Variants in SNRPG observed in about 807,000 individuals in gnomAD.
The protein encoded by SNRPG is small nuclear ribonucleoprotein polypeptide G.
In SNRPG, 3 loss-of-function variants were observed where a neutral mutation model predicts 13.9. The observed-to-expected ratio is 0.22, with a 90% CI of 0.10 to 0.56. The LOEUF (loss-of-function observed/expected upper bound fraction) is 0.56, where lower values mean the gene tolerates loss of function less well. Ranked by LOEUF, SNRPG falls within the 20% of genes least tolerant of loss-of-function variation. The probability of loss-of-function intolerance (pLI) is 0.93; values close to 1 mark genes in which losing one functional copy is unlikely to be tolerated. For synonymous variants in SNRPG, 29 were observed against 29.3 expected (o/e 0.99, Z 0.03); for missense variants, 34 against 96.1 (o/e 0.35, Z 2.70).
intron 3 of SNRPG, chr2:70,287,336 G>T: frequency 1.4e-6 from 1 of 702,788 alleles, no homozygotes; most frequent in Non-Finnish European, 2.6e-6. Flanking sequence ...CCTTTTTCAA[G>T]AACTTTGGGC....
intron 1 of SNRPG, chr2:70,293,173 A>C (rs1238759258): frequency 8.5e-6 from 6 of 702,298 alleles, no homozygotes; most frequent in Non-Finnish European, 1.6e-5. Context: ...GCTAAGACTA[A>C]AGTGGCTTTC....
chr2:70,292,933 C>T (rs568893703), intron 1 of SNRPG: 75 of 569,430 alleles, frequency 1.3e-4, no homozygotes, highest in African/African-American at 1.2e-3. Flanking sequence ...AAGTAAGGCT[C>T]TCCTACTTAA....
chr2:70,287,402 G>C lies in SNRPG; in HGVS notation c.180+666C>G, dbSNP rs752836436. ...TTAGACAAAGAGGGACTCAAAGTCTGGGTATCAAAACTCTTCTTCAGCAAT... is the reference window on the plus strand; with the variant it reads ...TTAGACAAAGAGGGACTCAAAGTCTCGGTATCAAAACTCTTCTTCAGCAAT... On this transcript the variant is annotated intron_variant, in intron 3 of 3. Coordinates refer to ENST00000272348, the MANE Select transcript of SNRPG (RefSeq NM_003096.4). The C allele has an allele frequency of 5.8e-6, 4 of 694,562 alleles. No homozygotes were observed. In the South Asian group the frequency reaches 6.1e-5, roughly 11 times the overall value. The allele number at this position is 694,562 out of a possible 1,614,324, so 43.0% of individuals were successfully genotyped here.
intron 3 of SNRPG, among the ~76,000 whole-genome samples, chr2:70,286,238 T>C (rs779869163): frequency 6.6e-6 from 1 of 152,154 alleles, no homozygotes; most frequent in Non-Finnish European, 1.5e-5. Context: ...AACACACACA[T>C]AACTGCAATA....
chr2:70,292,181 C>T (rs1024556412), intron 1 of SNRPG, among the ~76,000 whole-genome samples: 4 of 151,996 alleles, frequency 2.6e-5, no homozygotes, highest in Non-Finnish European at 4.4e-5. Context: ...CTCCTGACCT[C>T]GTGATCCGCC....
intron 3 of SNRPG, among the ~76,000 whole-genome samples, chr2:70,283,108 A>C (rs1411983524): frequency 1.8e-4 from 27 of 146,982 alleles, no homozygotes; most frequent in African/African-American, 6.4e-4. Context: ...AAAAAAAAAA[A>C]AAAAAAAAAA....
chr2:70,290,967 C>T (rs1311424901), intron 1 of SNRPG, among the ~76,000 whole-genome samples: 1 of 148,886 alleles, frequency 6.7e-6, no homozygotes, highest in Non-Finnish European at 1.5e-5. Context: ...GCCAAGATCG[C>T]GCCACTGCAC....
Position 70,293,629 on chromosome 2 carries a change from G to A in SNRPG, c.21C>T (p.Pro7=), listed in dbSNP as rs1034712471. 3 of 1,613,970 alleles carry A rather than the reference G, an allele frequency of 1.9e-6. No homozygotes were observed. The highest frequency in any genetic ancestry group is 2.5e-6 in the Non-Finnish European group (3 of 1,179,822). ...TCACACATACTTACTTTTTCAACTC[G>A]GGAGGGTGAGCTTTGCTCATGGTGT... MSKAHP[P]ELKKFMDKKL... The change falls in exon 1 of 4, where the codon CCC becomes CCT. Residue 7 remains proline, a synonymous_variant. Transcript: ENST00000272348.
At chr2:70,289,289 A>ATGG in intron 2 of SNRPG, 61 bp downstream of exon 2, 1 of 997,854 alleles carries the variant, frequency 1.0e-6, no homozygotes, top group Non-Finnish European at 1.5e-6. Flanking sequence ...AAACATTGCT[A>ATGG]AGACACATGT....
At chr2:70,282,300 T>C (rs1473791917) in intron 3 of SNRPG, among the ~76,000 whole-genome samples, 1 of 152,182 alleles carries the variant, frequency 6.6e-6, no homozygotes. Context: ...GAGTAAAATA[T>C]GTACAGTAGA....
At chr2:70,289,426 A>G (rs1170189623) in intron 1 of SNRPG, 54 bp from the exon 2 acceptor site, 1 of 949,936 alleles carries the variant, frequency 1.1e-6, no homozygotes, top group Non-Finnish European at 1.6e-6. Context: ...ATTTAAGCAT[A>G]AACAAGTAAA....
At chr2:70,292,937 T>C in intron 1 of SNRPG, 1 of 571,826 alleles carries the variant, frequency 1.7e-6, no homozygotes, top group Non-Finnish European at 3.1e-6. Flanking sequence ...AAGGCTCTCC[T>C]ACTTAAAGTT....
At chr2:70,291,934 T>C (rs1462603018) in intron 1 of SNRPG, among the ~76,000 whole-genome samples, 1 of 150,900 alleles carries the variant, frequency 6.6e-6, no homozygotes, top group African/African-American at 2.4e-5. Flanking sequence ...CACAATAATT[T>C]CTGAGTAACT....
At chr2:70,284,363 T>C (rs1240374504) in intron 3 of SNRPG, among the ~76,000 whole-genome samples, 1 of 152,100 alleles carries the variant, frequency 6.6e-6, no homozygotes, top group African/African-American at 2.4e-5. Context: ...CTTACCTAGT[T>C]ATCAGAATTT....
intron 3 of SNRPG, among the ~76,000 whole-genome samples, chr2:70,282,693 T>C (rs989898721): frequency 6.6e-6 from 1 of 152,020 alleles, no homozygotes; most frequent in East Asian, 1.9e-4. Context: ...ATTATATAAA[T>C]ACGCCGAAGT....
At position 70,293,333 on chromosome 2, in the gene SNRPG, G is replaced by A. The variant is rs183670260; in HGVS notation, c.32+285C>T. On this transcript the variant is annotated intron_variant, in intron 1 of 3. Transcript: ENST00000272348. Reference sequence around the variant, plus strand: ...AAAAGGTAGCACTGGAGATCTTCAAGGAACGAGGGACAGCGCCGGGTGACC... The same window carrying A: ...AAAAGGTAGCACTGGAGATCTTCAAAGAACGAGGGACAGCGCCGGGTGACC... 5.1e-4 allele frequency: 329 copies of A among 643,520 alleles called. No individual in the cohort carries two copies. In the African/African-American group the frequency reaches 5.5e-3, roughly 11 times the overall value. 39.9% of individuals were successfully genotyped at this position (643,520 alleles called of 1,614,324 possible).
intron 2 of SNRPG, among the ~76,000 whole-genome samples, chr2:70,288,897 T>A (rs1326167281): frequency 6.6e-6 from 1 of 152,210 alleles, no homozygotes; most frequent in Non-Finnish European, 1.5e-5. Flanking sequence ...AATTGTCTAG[T>A]TAGGATTAAG....
chr2:70,286,187 C>T (rs778017960), intron 3 of SNRPG, among the ~76,000 whole-genome samples: 3 of 152,136 alleles, frequency 2.0e-5, no homozygotes, highest in Non-Finnish European at 2.9e-5. Flanking sequence ...TTCAGCCTCT[C>T]GAAGTGCTGG....
At position 70,293,431 on chromosome 2, in the gene SNRPG, C is replaced by A. The variant is rs1010063561; in HGVS notation, c.32+187G>T. 39 of 673,544 alleles carry A rather than the reference C, an allele frequency of 5.8e-5. 1 individual carries two copies. Among genetic ancestry groups the A allele is most frequent in the Non-Finnish European group, 8.2e-6 (3 of 367,574 alleles). The allele number at this position is 673,544 out of a possible 1,614,324, so 41.7% of individuals were successfully genotyped here. ...CCGTGGCTGCCGGCTGTAACCACAC[C>A]GACGCGCGAGCTCTGCGCGGGCTTC... On this transcript the variant is annotated intron_variant, in intron 1 of 3. Coordinates refer to ENST00000272348, the MANE Select transcript of SNRPG (RefSeq NM_003096.4).
Sources: gnomAD v4.1 joint callset for allele counts (sites outside exome capture counted in the v4.1 genomes callset) on GRCh38, gnomAD v4.1.1 for gene constraint, MANE v1.5 for transcripts, NCBI Gene and HGNC (gene_info 2026-07-23, HGNC 2026-07-21) for gene names.